Variants in TRPS1 observed in about 807,000 individuals in gnomAD.
The protein encoded by TRPS1 is zinc finger transcription factor Trps1.
A neutral mutation model predicts 101.2 loss-of-function variants in TRPS1; 6 were observed. The observed-to-expected ratio is 0.06, with a 90% CI of 0.03 to 0.12. The LOEUF (loss-of-function observed/expected upper bound fraction) is 0.12, where lower values mean the gene tolerates loss of function less well. TRPS1 is among the 10% of genes least tolerant of loss of function. TRPS1 has a pLI of 1.00. For missense variants in TRPS1, 1,363 were observed against 1,567.0 expected (o/e 0.87, Z 2.20); for synonymous variants, 578 against 589.8 (o/e 0.98, Z 0.29).
intron 5 of TRPS1, among the ~76,000 whole-genome samples, chr8:115,455,615 A>G (rs1248867873): frequency 6.6e-6 from 1 of 152,086 alleles, no homozygotes. Context: ...TACTGAACTC[A>G]TTTTCTAGAT....
In TRPS1 at chr8:115,541,659, T is replaced by C. The variant is rs573869755; in HGVS notation, c.2700+45342A>G. ...AAAAACTAATCTTTATTAACAGCATTCAATCTCAGGTTCCTCATTTGTAAA... is the reference window on the plus strand; with the variant it reads ...AAAAACTAATCTTTATTAACAGCATCCAATCTCAGGTTCCTCATTTGTAAA... On this transcript the variant is annotated intron_variant, in intron 5 of 6. Transcript: ENST00000395715. Among the ~76,000 whole-genome samples the C allele has an allele frequency of 2.6e-5, 4 of 152,284 alleles. No homozygotes were observed. In the South Asian group the frequency reaches 6.2e-4, roughly 24 times the overall value.
At chr8:115,504,691 T>C (rs1278654672) in intron 5 of TRPS1, among the ~76,000 whole-genome samples, 1 of 152,212 alleles carries the variant, frequency 6.6e-6, no homozygotes, top group East Asian at 1.9e-4. Context: ...GTTATACTGA[T>C]AGCACTGAGT....
intron 5 of TRPS1, among the ~76,000 whole-genome samples, chr8:115,452,567 G>A (rs1017692962): frequency 3.3e-5 from 5 of 152,110 alleles, no homozygotes; most frequent in Non-Finnish European, 7.3e-5. Context: ...GCAGACAATG[G>A]CATCTTTCTC....
intron 5 of TRPS1, among the ~76,000 whole-genome samples, chr8:115,525,678 G>A (rs915091415): frequency 2.6e-5 from 4 of 152,110 alleles, no homozygotes; most frequent in African/African-American, 9.7e-5. Flanking sequence ...AAAAGATAAT[G>A]TAACAGCAAC....
intron 5 of TRPS1, among the ~76,000 whole-genome samples, chr8:115,498,409 CTCTCTCTATATATA>C (rs1440055523): frequency 7.2e-4 from 58 of 80,942 alleles, no homozygotes; most frequent in African/African-American, 2.8e-3. Flanking sequence ...CTCTCTCTCT[CTCTCTCTATATATA>C]TATATATATA....
intron 1 of TRPS1, among the ~76,000 whole-genome samples, chr8:115,653,460 T>C (rs542894848): frequency 6.6e-6 from 1 of 152,284 alleles, no homozygotes; most frequent in South Asian, 2.1e-4. Flanking sequence ...ATCAGCATAC[T>C]AGTCAAAATA....
intron 6 of TRPS1, among the ~76,000 whole-genome samples, chr8:115,415,753 A>G (rs926663039): frequency 6.6e-5 from 10 of 152,192 alleles, no homozygotes; most frequent in Admixed American, 6.5e-4. Flanking sequence ...GAATCCAACT[A>G]TGCTGGAACC....
intron 5 of TRPS1, among the ~76,000 whole-genome samples, chr8:115,500,482 C>G (rs1186800196): frequency 6.6e-6 from 1 of 152,172 alleles, no homozygotes; most frequent in Non-Finnish European, 1.5e-5. Context: ...TTACTGAATT[C>G]TGTAAAAATC....
chr8:115,580,758 C>T (rs189424760), intron 5 of TRPS1, among the ~76,000 whole-genome samples: 2 of 152,246 alleles, frequency 1.3e-5, no homozygotes, highest in Admixed American at 1.3e-4. Context: ...GTTACAAAAA[C>T]ATTGTTGTTG....
chr8:115,470,731 C>T (rs1200408791), intron 5 of TRPS1, among the ~76,000 whole-genome samples: 2 of 151,970 alleles, frequency 1.3e-5, no homozygotes, highest in Non-Finnish European at 2.9e-5. Context: ...ATAAAGGGGG[C>T]TGCAAAATTA....
intron 1 of TRPS1, chr8:115,668,341 C>CT (rs773247592): frequency 0.027 from 2,491 of 91,326 alleles, 86 homozygotes; most frequent in Admixed American, 0.044. Flanking sequence ...TCTCCCTCTG[C>CT]TTTTTTTTTT....
At chr8:115,564,231 A>T (rs1586407403) in intron 5 of TRPS1, among the ~76,000 whole-genome samples, 1 of 152,146 alleles carries the variant, frequency 6.6e-6, no homozygotes, top group East Asian at 1.9e-4. Flanking sequence ...TAAAGATACA[A>T]CTATGCTTTC....
Position 115,535,133 on chromosome 8 carries a change from A to G in TRPS1, c.2700+51868T>C, listed in dbSNP as rs974443939. Among the ~76,000 whole-genome samples the G allele has an allele frequency of 4.6e-4, 67 of 144,282 alleles. No homozygotes were observed. The East Asian group carries it at 7.7e-3, about 17-fold the overall frequency. The allele number at this position is 144,282 out of a possible 152,430, so 94.7% of individuals were successfully genotyped here. A position where few individuals can be genotyped will look rare whatever the true frequency, so the allele number is the denominator to read the frequency against. The stretch of plus-strand genomic sequence containing the variant: ...TATATATCGCATATGTATAGCATAT[A>G]TATAGCATATATATAGCATATGTAT... On this transcript the variant is annotated intron_variant, in intron 5 of 6. Coordinates refer to ENST00000395715, the MANE Select transcript of TRPS1 (RefSeq NM_014112.5).
chr8:115,645,936 G>A (rs1362163816), intron 1 of TRPS1, among the ~76,000 whole-genome samples: 3 of 151,966 alleles, frequency 2.0e-5, no homozygotes, highest in African/African-American at 7.3e-5. Flanking sequence ...TAGCCTTTTG[G>A]GATAATATAA....
intron 1 of TRPS1, chr8:115,668,146 G>A: frequency 1.7e-6 from 1 of 579,970 alleles, no homozygotes; most frequent in East Asian, 2.9e-5. Flanking sequence ...GCTGACTCCA[G>A]GGGCTACTGC....
chr8:115,542,492 G>A (rs1435060254), intron 5 of TRPS1, among the ~76,000 whole-genome samples: 6 of 151,840 alleles, frequency 4.0e-5, no homozygotes, highest in African/African-American at 1.4e-4. Context: ...CTAAAAGGAA[G>A]ACTGAAAGGA....
In TRPS1 at chr8:115,587,257, C is replaced by A. The variant is rs763124273; in HGVS notation, c.2444G>T (p.Gly815Val). The A allele has an allele frequency of 1.2e-6, 2 of 1,614,216 alleles. No individual in the cohort carries two copies. Among genetic ancestry groups the A allele is most frequent in the Admixed American group, 1.7e-5 (1 of 60,030 alleles). ...GCTTGCTTGGGTGTATGACGGACTC[C>A]CCCGCAGGATGTCTGCCCCTCTCCA... ...VTWRGADILR[G>V]SPSYTQASLG... Residue 815 changes from glycine (G) to valine (V), a missense_variant, in exon 5 of 7, where the codon GGG becomes GTG. By Grantham distance (109) the Gly-to-Val change is moderately radical. Coordinates refer to ENST00000395715, the MANE Select transcript of TRPS1 (RefSeq NM_014112.5).
intron 5 of TRPS1, among the ~76,000 whole-genome samples, chr8:115,526,957 T>C (rs1286724633): frequency 6.6e-6 from 1 of 152,140 alleles, no homozygotes; most frequent in Non-Finnish European, 1.5e-5. Flanking sequence ...CTTTCATAGA[T>C]TTTTCCAGCT....
chr8:115,583,321 T>C (rs1200147976), intron 5 of TRPS1, among the ~76,000 whole-genome samples: 1 of 152,122 alleles, frequency 6.6e-6, no homozygotes, highest in Non-Finnish European at 1.5e-5. Flanking sequence ...ATGCTGACTA[T>C]ACTATACTAC....
Sources: allele counts gnomAD v4.1 joint callset (sites outside exome capture counted in the v4.1 genomes callset), GRCh38; gene constraint gnomAD v4.1.1; transcripts MANE v1.5; gene names NCBI Gene and HGNC (gene_info 2026-07-23, HGNC 2026-07-21).